The following ZBTB20 variants were observed in gnomAD, a reference collection of about 807,000 sequenced individuals.
ZBTB20 encodes zinc finger and BTB domain containing 20.
Under a neutral mutation model 56.9 loss-of-function variants are expected in ZBTB20, and 9 were observed. The observed-to-expected ratio is 0.16, with a 90% CI of 0.10 to 0.28. The LOEUF (loss-of-function observed/expected upper bound fraction) is 0.28, where lower values mean the gene tolerates loss of function less well. ZBTB20 is among the 10% of genes least tolerant of loss of function. The pLI, the probability that ZBTB20 is intolerant of heterozygous loss-of-function variation, is 1.00. For synonymous variants in ZBTB20, 417 were observed against 420.7 expected (o/e 0.99, Z 0.11); for missense variants, 655 against 1,003.0 (o/e 0.65, Z 4.69).
intron 5 of ZBTB20, among the ~76,000 whole-genome samples, chr3:114,798,272 CA>C (rs2108830649): frequency 6.6e-6 from 1 of 151,338 alleles, no homozygotes; most frequent in African/African-American, 2.4e-5. Flanking sequence ...TTAAGTCAAC[CA>C]AATAAATTTG....
intron 2 of ZBTB20, among the ~76,000 whole-genome samples, chr3:114,992,829 C>G (rs2078875582): frequency 6.6e-6 from 1 of 151,756 alleles, no homozygotes; most frequent in African/African-American, 2.4e-5. Flanking sequence ...CAGATACGTG[C>G]CATGAGTGCC....
intron 7 of ZBTB20, among the ~76,000 whole-genome samples, chr3:114,477,489 CT>C (rs765333264): frequency 4.2e-3 from 454 of 109,256 alleles, no homozygotes; most frequent in Middle Eastern, 0.014. Context: ...GTTCCCTGCA[CT>C]TTTTTTTTTT....
At chr3:114,599,483 C>T (rs2056590982) in intron 6 of ZBTB20, 1 of 152,044 alleles carries the variant, frequency 6.6e-6, no homozygotes, top group Admixed American at 6.6e-5. Context: ...TGAACCTTCT[C>T]TTTCATGCAA....
At chr3:114,720,109 TA>T in intron 5 of ZBTB20, among the ~76,000 whole-genome samples, 1 of 149,258 alleles carries the variant, frequency 6.7e-6, no homozygotes, top group South Asian at 2.1e-4. Flanking sequence ...ATATTGTGTA[TA>T]ATATGTATAT....
intron 1 of ZBTB20, among the ~76,000 whole-genome samples, chr3:115,074,255 G>A (rs2082516336): frequency 6.6e-6 from 1 of 152,128 alleles, no homozygotes; most frequent in African/African-American, 2.4e-5. Context: ...TTCACAGTGT[G>A]GCACAGAACT....
At chr3:115,050,043 G>A (rs932043856) in intron 2 of ZBTB20, among the ~76,000 whole-genome samples, 1 of 151,858 alleles carries the variant, frequency 6.6e-6, no homozygotes, top group African/African-American at 2.4e-5. Context: ...TAAGGAACAA[G>A]TGTTGAAAAA....
intron 2 of ZBTB20, among the ~76,000 whole-genome samples, chr3:115,038,989 A>G (rs927421087): frequency 2.0e-5 from 3 of 152,056 alleles, no homozygotes; most frequent in African/African-American, 7.2e-5. Flanking sequence ...TCATAACTAG[A>G]TAATATCTCA....
intron 2 of ZBTB20, among the ~76,000 whole-genome samples, chr3:115,059,729 T>C (rs569676732): frequency 1.3e-5 from 2 of 152,296 alleles, no homozygotes; most frequent in South Asian, 2.1e-4. Context: ...CTCAGTGTGA[T>C]CACTGTGCTC....
intron 5 of ZBTB20, among the ~76,000 whole-genome samples, chr3:114,796,775 G>T (rs2071366131): frequency 6.6e-6 from 1 of 151,910 alleles, no homozygotes; most frequent in South Asian, 2.1e-4. Flanking sequence ...AATAAATTAA[G>T]TTTTGATATG....
At chr3:114,399,712 C>G (rs1430680675) in intron 7 of ZBTB20, among the ~76,000 whole-genome samples, 1 of 152,028 alleles carries the variant, frequency 6.6e-6, no homozygotes, top group Non-Finnish European at 1.5e-5. Context: ...TTTCTGAGAG[C>G]CATGGGCAGT....
intron 6 of ZBTB20, among the ~76,000 whole-genome samples, chr3:114,622,513 A>G (rs1335200109): frequency 6.6e-6 from 1 of 152,164 alleles, no homozygotes; most frequent in Non-Finnish European, 1.5e-5. Context: ...CTCACAAACT[A>G]TAGGAATTGT....
rs968131015 is a variant in ZBTB20 at position 114,510,956 on chromosome 3, T to C, written c.-294-10565A>G. Among the ~76,000 whole-genome samples the C allele has an allele frequency of 9.2e-5, 14 of 151,966 alleles. 1 individual carries two copies. The highest frequency in any genetic ancestry group is 6.3e-3 in the Middle Eastern group (2 of 316). ...ATTTATTTTTTCCAAAGGGAATGCC[T>C]TGAAAACTCTAAGATGATCACTGTT... On this transcript the variant is annotated intron_variant, in intron 6 of 11. Transcript: ENST00000675478.
chr3:114,886,553 T>A (rs1392782470), intron 4 of ZBTB20, among the ~76,000 whole-genome samples: 3 of 152,212 alleles, frequency 2.0e-5, no homozygotes, highest in Non-Finnish European at 4.4e-5. Context: ...TAAAGTTATG[T>A]GAAAGTACCA....
chr3:114,490,814 T>C (rs920976534), intron 7 of ZBTB20, among the ~76,000 whole-genome samples: 2 of 152,198 alleles, frequency 1.3e-5, no homozygotes, highest in African/African-American at 4.8e-5. Flanking sequence ...AGAGTAGATA[T>C]TTTTTGAGAA....
intron 2 of ZBTB20, among the ~76,000 whole-genome samples, chr3:114,984,693 A>G (rs1479339316): frequency 6.6e-6 from 1 of 152,076 alleles, no homozygotes; most frequent in Admixed American, 6.6e-5. Flanking sequence ...AATCAATTCA[A>G]TAACTCTCAT....
chr3:114,769,844 A>C (rs2069072052), intron 5 of ZBTB20, among the ~76,000 whole-genome samples: 1 of 152,032 alleles, frequency 6.6e-6, no homozygotes, highest in African/African-American at 2.4e-5. Flanking sequence ...GGATCACTTG[A>C]GGTCAGGAGT....
intron 4 of ZBTB20, among the ~76,000 whole-genome samples, chr3:114,895,237 G>A (rs1272280159): frequency 6.6e-6 from 1 of 152,134 alleles, no homozygotes; most frequent in African/African-American, 2.4e-5. Context: ...AGCGATTTAT[G>A]CACTGACAAC....
At chr3:115,083,071 A>C (rs1331538989) in intron 1 of ZBTB20, among the ~76,000 whole-genome samples, 1 of 152,096 alleles carries the variant, frequency 6.6e-6, no homozygotes, top group East Asian at 1.9e-4. Context: ...TGGAAACTCA[A>C]GGTAAATGCA....
intron 7 of ZBTB20, among the ~76,000 whole-genome samples, chr3:114,421,503 T>C (rs1354865487): frequency 6.6e-6 from 1 of 152,154 alleles, no homozygotes; most frequent in Non-Finnish European, 1.5e-5. Flanking sequence ...TGGAGAGAGA[T>C]TCAGAAAACT....
Sources: allele counts gnomAD v4.1 joint callset (sites outside exome capture counted in the v4.1 genomes callset), GRCh38; gene constraint gnomAD v4.1.1; transcripts MANE v1.5; gene names NCBI Gene and HGNC (gene_info 2026-07-23, HGNC 2026-07-21).